The following FRYL variants were observed in gnomAD, a reference collection of about 807,000 sequenced individuals.
FRYL encodes FRY like transcription coactivator, also known as protein furry homolog-like.
In FRYL, 150 loss-of-function variants were observed where a neutral mutation model predicts 351.2. That is an observed-to-expected ratio of 0.43 (90% CI 0.37 to 0.49). FRYL has a LOEUF of 0.49. Among genes scored for constraint, FRYL ranks in the 20% least tolerant of loss-of-function variants. FRYL has a pLI of 0.00. For synonymous variants in FRYL, 1,153 were observed against 1,257.1 expected, an observed-to-expected ratio of 0.92 and a Z score of 1.75; for missense variants, 3,036 against 3,619.3, an observed-to-expected ratio of 0.84 and a Z score of 4.13.
At chr4:48,708,910 G>GA (rs1553866644) in intron 2 of FRYL, among the ~76,000 whole-genome samples, 2 of 60,628 alleles carry the variant, frequency 3.3e-5, no homozygotes, top group South Asian at 7.8e-4. Flanking sequence ...GGTATCGTGT[G>GA]TTTTTTTTTT....
chr4:48,681,319 G>A, intron 3 of FRYL: 1 of 215,856 alleles, frequency 4.6e-6, no homozygotes, highest in South Asian at 6.3e-5. Flanking sequence ...TACTGTTTGT[G>A]CTGATAACAA....
chr4:48,566,540 A>G (rs906991035), intron 28 of FRYL, among the ~76,000 whole-genome samples: 2 of 152,212 alleles, frequency 1.3e-5, no homozygotes, highest in African/African-American at 4.8e-5. Flanking sequence ...GATGAAAACA[A>G]GGCTCCTACA....
At chr4:48,572,369 T>C (rs1209433374) in intron 26 of FRYL, among the ~76,000 whole-genome samples, 1 of 152,214 alleles carries the variant, frequency 6.6e-6, no homozygotes, top group Non-Finnish European at 1.5e-5. Flanking sequence ...TCATGAGATA[T>C]TTCTCATCTT....
At chr4:48,555,509 C>T (rs1253375750) in intron 35 of FRYL, among the ~76,000 whole-genome samples, 2 of 152,126 alleles carry the variant, frequency 1.3e-5, no homozygotes, top group East Asian at 3.8e-4. Flanking sequence ...AGCAGAAGTC[C>T]CAGTGGGCAC....
intron 19 of FRYL, among the ~76,000 whole-genome samples, chr4:48,584,388 A>G (rs1045890960): frequency 1.9e-4 from 29 of 152,224 alleles, no homozygotes; most frequent in African/African-American, 7.0e-4. Context: ...AGTCATCACG[A>G]AGCCAACTTT....
Position 48,634,392 on chromosome 4 carries a change from C to A in FRYL, c.19G>T (p.Asp7Tyr). 1 of 1,612,918 alleles carries A rather than the reference C, an allele frequency of 6.2e-7. No homozygotes were observed. Among genetic ancestry groups the A allele is most frequent in the South Asian group, 1.1e-5 (1 of 91,018 alleles). Reference protein sequence around the residue: MSNITIDPDVKPGEYVI... With the variant: MSNITIYPDVKPGEYVI... Reference sequence around the variant, plus strand: ...TATTCACCAGGTTTGACATCTGGGTCAATCGTAATGTTTGACATGATGATA... The same window carrying A: ...TATTCACCAGGTTTGACATCTGGGTAAATCGTAATGTTTGACATGATGATA... Residue 7 changes from aspartate (D) to tyrosine (Y), a missense_variant, in exon 4 of 64, where the codon GAC (aspartate) becomes TAC (tyrosine). Around this residue, in one of 7 missense-constraint regions of FRYL, gnomAD observed 457 missense variants for 566.6 expected, o/e 0.81. Coordinates refer to ENST00000358350, the MANE Select transcript of FRYL (RefSeq NM_015030.2).
chr4:48,657,159 T>C (rs1578566390), intron 3 of FRYL, among the ~76,000 whole-genome samples: 1 of 152,090 alleles, frequency 6.6e-6, no homozygotes, highest in East Asian at 1.9e-4. Context: ...CTCAATCCTT[T>C]GATTACTAAT....
At chr4:48,755,975 C>T (rs1773731219) in intron 1 of FRYL, among the ~76,000 whole-genome samples, 1 of 151,312 alleles carries the variant, frequency 6.6e-6, no homozygotes, top group Non-Finnish European at 1.5e-5. Context: ...GCTTATGCCA[C>T]CAAATCCCAG....
At chr4:48,715,040 G>C (rs1393818931) in intron 1 of FRYL, among the ~76,000 whole-genome samples, 2 of 152,148 alleles carry the variant, frequency 1.3e-5, no homozygotes, top group African/African-American at 4.8e-5. Flanking sequence ...TATCTCAATA[G>C]ATGCAGAACA....
intron 7 of FRYL, among the ~76,000 whole-genome samples, chr4:48,615,165 A>G (rs1271278524): frequency 6.6e-6 from 1 of 152,170 alleles, no homozygotes; most frequent in African/African-American, 2.4e-5. Context: ...TAAAGAACAA[A>G]AGACTAGCTT....
chr4:48,694,595 C>A (rs1357598807), intron 2 of FRYL, among the ~76,000 whole-genome samples: 3 of 152,034 alleles, frequency 2.0e-5, no homozygotes, highest in Non-Finnish European at 4.4e-5. Context: ...CTGTGCCCAA[C>A]CTATAATACA....
At chr4:48,517,859 C>T (rs891410459) in intron 55 of FRYL, among the ~76,000 whole-genome samples, 4 of 152,180 alleles carry the variant, frequency 2.6e-5, no homozygotes, top group African/African-American at 9.7e-5. Context: ...CAAAACATTT[C>T]ACCCATCAAA....
intron 3 of FRYL, among the ~76,000 whole-genome samples, chr4:48,678,099 A>G (rs1432863644): frequency 2.0e-5 from 3 of 152,202 alleles, no homozygotes; most frequent in Non-Finnish European, 4.4e-5. Context: ...TTGAGATTCA[A>G]GAGAAGGTAT....
At chr4:48,598,438 A>C (rs1245441421) in intron 13 of FRYL, among the ~76,000 whole-genome samples, 1 of 152,206 alleles carries the variant, frequency 6.6e-6, no homozygotes, top group African/African-American at 2.4e-5. Flanking sequence ...CTATGTACCC[A>C]CAAAAATTAA....
intron 3 of FRYL, among the ~76,000 whole-genome samples, chr4:48,672,324 G>A (rs373364236): frequency 2.0e-5 from 3 of 152,140 alleles, no homozygotes; most frequent in East Asian, 3.8e-4. Flanking sequence ...CCCCCATCAT[G>A]ACTGTAGGTA....
chr4:48,661,540 C>T (rs1760718011), intron 3 of FRYL, among the ~76,000 whole-genome samples: 1 of 152,208 alleles, frequency 6.6e-6, no homozygotes, highest in African/African-American at 2.4e-5. Context: ...TAGCAACTAT[C>T]TAAGCACTCC....
chr4:48,586,715 GT>G lies in FRYL; in HGVS notation c.1653del (p.Lys551AsnfsTer17). The G allele has an allele frequency of 6.2e-7, 1 of 1,605,572 alleles. No individual in the cohort carries two copies. Among genetic ancestry groups the G allele is most frequent in the Non-Finnish European group, 8.5e-7 (1 of 1,175,442 alleles). ...CAAGTTCTAAACAAATCAATCTTGGGTTTTCTTTCCCCCCTGAAAAATACAA... is the reference window on the plus strand; with the variant it reads ...CAAGTTCTAAACAAATCAATCTTGGGTTTCTTTCCCCCCTGAAAAATACAA... ...EPEDMITGER[K>X]PKIDLFRTCI... On this transcript the variant is annotated frameshift_variant, in exon 19 of 64. Transcript: ENST00000358350. LOFTEE classifies it high-confidence loss of function.
chr4:48,732,404 G>A (rs1049911859), intron 1 of FRYL, among the ~76,000 whole-genome samples: 25 of 152,196 alleles, frequency 1.6e-4, no homozygotes, highest in African/African-American at 5.5e-4. Context: ...AATACCATTT[G>A]ACCCAGCAAT....
At chr4:48,564,546 G>A (rs1736312282) in intron 30 of FRYL, among the ~76,000 whole-genome samples, 2 of 152,168 alleles carry the variant, frequency 1.3e-5, no homozygotes, top group Admixed American at 6.5e-5. Context: ...GGAAGGCAGA[G>A]TGTGGAGGGC....
Sources: gnomAD v4.1 joint callset for allele counts (sites outside exome capture counted in the v4.1 genomes callset) on GRCh38, gnomAD v4.1.1 for gene constraint, gnomAD v4.1.1 regional missense constraint, MANE v1.5 for transcripts, NCBI Gene and HGNC (gene_info 2026-07-23, HGNC 2026-07-21) for gene names.